The following BSDC1 variants were observed in gnomAD, a reference collection of about 807,000 sequenced individuals.
BSDC1 encodes the protein BSD domain-containing protein 1.
Under a neutral mutation model 56.0 loss-of-function variants are expected in BSDC1, and 29 were observed. That is an observed-to-expected ratio of 0.52 (90% CI 0.39 to 0.71). The LOEUF (loss-of-function observed/expected upper bound fraction) is 0.71, where lower values mean the gene tolerates loss of function less well. Among genes scored for constraint, BSDC1 ranks in the 30% least tolerant of loss-of-function variants. The pLI, the probability that BSDC1 is intolerant of heterozygous loss-of-function variation, is 0.00. For missense variants in BSDC1, 477 were observed against 548.5 expected (o/e 0.87, Z 1.30); for synonymous variants, 210 against 215.3 (o/e 0.98, Z 0.21).
At position 32,377,924 on chromosome 1, in the gene BSDC1, C is replaced by A. The variant is rs756507297; in HGVS notation, c.676+46G>T. 4 of 1,570,380 alleles carry A rather than the reference C, an allele frequency of 2.5e-6. No homozygotes were observed. In the South Asian group the frequency reaches 4.8e-5, roughly 19 times the overall value. On this transcript the variant is annotated intron_variant, in intron 8 of 10. Transcript: ENST00000455895. The stretch of plus-strand genomic sequence containing the variant: ...GAGAGCATGGCCCAGCCCAGAGCGT[C>A]CCGCACAGATGTGACACTTGCCCCT...
At chr1:32,380,259 G>A (rs1436114592) in intron 5 of BSDC1, among the ~76,000 whole-genome samples, 1 of 152,134 alleles carries the variant, frequency 6.6e-6, no homozygotes, top group Admixed American at 6.6e-5. Flanking sequence ...CTAAAAGGCG[G>A]GTGCTCCCTG....
chr1:32,374,051 T>C (rs1642191132), intron 9 of BSDC1, among the ~76,000 whole-genome samples: 1 of 152,162 alleles, frequency 6.6e-6, no homozygotes, highest in Non-Finnish European at 1.5e-5. Flanking sequence ...CTCCTCCCTC[T>C]TCTACAGGAC....
At chr1:32,383,719 C>A in intron 4 of BSDC1, 111 bp downstream of exon 4, 2 of 783,926 alleles carry the variant, frequency 2.6e-6, no homozygotes, top group Non-Finnish European at 2.1e-6. Context: ...TAATAATATA[C>A]CCATATTTAT....
chr1:32,386,974 C>T (rs1642694626), intron 2 of BSDC1, 79 bp from the exon 3 acceptor site: 10 of 1,089,658 alleles, frequency 9.2e-6, no homozygotes, highest in African/African-American at 1.6e-5. Flanking sequence ...TTCTTCAGTA[C>T]CAGACAGACA....
intron 2 of BSDC1, among the ~76,000 whole-genome samples, chr1:32,393,425 G>A (rs1042539529): frequency 6.6e-6 from 1 of 152,178 alleles, no homozygotes; most frequent in African/African-American, 2.4e-5. Flanking sequence ...TTGGGTTCTT[G>A]CTTTTCATCC....
Position 32,365,299 on chromosome 1 carries a change from C to T in BSDC1, c.*1323G>A, listed in dbSNP as rs1397223610. 6.6e-6 allele frequency: 1 copy of T among 152,098 alleles called. No individual in the cohort carries two copies. Among genetic ancestry groups the T allele is most frequent in the East Asian group, 1.9e-4 (1 of 5,196 alleles). 9.4% of individuals were successfully genotyped at this position (152,098 alleles called of 1,614,324 possible). A position where few individuals can be genotyped will look rare whatever the true frequency, so the allele number is the denominator to read the frequency against. On this transcript the variant is annotated 3_prime_UTR_variant, in exon 11 of 11. Transcript: ENST00000455895. Reference sequence around the variant, plus strand: ...TTATAATTTAAAATATATAATATTGCACAAACAACCAAAAGGTTAATTAAA... The same window carrying T: ...TTATAATTTAAAATATATAATATTGTACAAACAACCAAAAGGTTAATTAAA...
chr1:32,393,956 G>A, intron 2 of BSDC1, 124 bp downstream of exon 2: 1 of 874,594 alleles, frequency 1.1e-6, no homozygotes, highest in East Asian at 2.7e-5. Flanking sequence ...CTAAAAGAAA[G>A]GCCCAGGTCA....
rs1485979742 is a variant in BSDC1 at position 32,370,951 on chromosome 1, TCC to T, written c.1157-2403_1157-2402del. On this transcript the variant is annotated intron_variant, in intron 9 of 10. Coordinates refer to ENST00000455895, the MANE Select transcript of BSDC1 (RefSeq NM_018045.8). ...AAAGCCTAAAATATTTATGGTCTGG[TCC>T]TATACAGAAAAAGCTTACCACCCTC... 1.4e-4 allele frequency among the ~76,000 whole-genome samples: 22 copies of T among 152,126 alleles called. 1 individual carries two copies. The South Asian group carries it at 4.6e-3, about 32-fold the overall frequency.
chr1:32,373,002 C>T (rs1045785187), intron 9 of BSDC1, among the ~76,000 whole-genome samples: 54 of 152,308 alleles, frequency 3.5e-4, no homozygotes, highest in African/African-American at 1.3e-3. Flanking sequence ...AGCAGCTCTG[C>T]GATGACAGGG....
rs754185873 is a variant in BSDC1 at position 32,366,451 on chromosome 1, G to C, written c.*171C>G. On this transcript the variant is annotated 3_prime_UTR_variant, in exon 11 of 11. Coordinates refer to ENST00000455895, the MANE Select transcript of BSDC1 (RefSeq NM_018045.8). ...CCGGGATTTAGAGAGCCCCTTCCCAGGTGTGAGCAGAGGCCCAAGAGGGCC... is the reference window on the plus strand; with the variant it reads ...CCGGGATTTAGAGAGCCCCTTCCCACGTGTGAGCAGAGGCCCAAGAGGGCC... 5.5e-6 allele frequency: 4 copies of C among 733,890 alleles called. No homozygotes were observed. The highest frequency in any genetic ancestry group is 4.5e-5 in the South Asian group (3 of 67,300). The allele number at this position is 733,890 out of a possible 1,614,324, so 45.5% of individuals were successfully genotyped here. A position where few individuals can be genotyped will look rare whatever the true frequency, so the allele number is the denominator to read the frequency against.
chr1:32,387,385 A>C (rs1167146094), intron 2 of BSDC1, among the ~76,000 whole-genome samples: 2 of 150,774 alleles, frequency 1.3e-5, no homozygotes, highest in African/African-American at 2.4e-5. Flanking sequence ...CTCGTTGCCC[A>C]GGCTGGAGTG....
Position 32,376,492 on chromosome 1 carries a change from A to G in BSDC1, c.926T>C (p.Leu309Pro), listed in dbSNP as rs764778612. 4 of 1,610,868 alleles carry G rather than the reference A, an allele frequency of 2.5e-6. No homozygotes were observed. In the Admixed American group the frequency reaches 5.0e-5, roughly 20 times the overall value. Residue 309 changes from leucine (L) to proline (P), a missense_variant, in exon 9 of 11, where the codon CTG (leucine) becomes CCG (proline). Leu to Pro is a moderately conservative substitution (Grantham distance 98). Transcript: ENST00000455895. ...RVLPKDLSQK[L>P]LEASLEEQGL... ...CTGTTCCTCCAAGGATGCCTCTAGC[A>G]GCTTTTGGGACAGGTCCTTGGGTAG...
intron 10 of BSDC1, chr1:32,367,649 C>T (rs1641900033): frequency 9.1e-6 from 9 of 985,512 alleles, no homozygotes; most frequent in Non-Finnish European, 1.1e-5. Flanking sequence ...GAGCTTTGGA[C>T]TGTTCCAGCC....
intron 5 of BSDC1, among the ~76,000 whole-genome samples, chr1:32,379,564 A>G (rs553057134): frequency 1.1e-4 from 16 of 152,034 alleles, no homozygotes; most frequent in Non-Finnish European, 1.2e-4. Context: ...TCCCTTATCC[A>G]ATCACTCTGG....
intron 3 of BSDC1, among the ~76,000 whole-genome samples, chr1:32,385,047 G>A (rs975455616): frequency 6.6e-6 from 1 of 152,066 alleles, no homozygotes; most frequent in Non-Finnish European, 1.5e-5. Flanking sequence ...CTCATTTTTT[G>A]TAACATGAGT....
rs1642692127 is a variant in BSDC1, at chr1:32,386,910, A to G, written c.73-15T>C. 6.2e-7 allele frequency: 1 copy of G among 1,606,140 alleles called. No individual in the cohort carries two copies. The highest frequency in any genetic ancestry group is 1.7e-5 in the Admixed American group (1 of 59,988). On this transcript the variant is annotated splice_polypyrimidine_tract_variant and intron_variant, in intron 2 of 10. Transcript: ENST00000455895. Reference sequence around the variant, plus strand: ...GCTTCAGAGGACTGTGGGAAGACAGAGAGGGATGCCAGGGCCAGCTGGCCC... The same window carrying G: ...GCTTCAGAGGACTGTGGGAAGACAGGGAGGGATGCCAGGGCCAGCTGGCCC...
In BSDC1 at chr1:32,378,421, C is replaced by T. The variant is rs531846140; in HGVS notation, c.529-138G>A. Reference sequence around the variant, plus strand: ...CTTAGCAGTGACAGTCAGAGCACTTCCACCCCCACCAAAGTTTCAGCCAGA... The same window carrying T: ...CTTAGCAGTGACAGTCAGAGCACTTTCACCCCCACCAAAGTTTCAGCCAGA... On this transcript the variant is annotated intron_variant, in intron 6 of 10. Transcript: ENST00000455895. This position sits in a 1 kb window ranked among gnomAD's most constrained non-coding sequence, Gnocchi z 5.2. The T allele has an allele frequency of 2.4e-6, 2 of 838,130 alleles. No individual in the cohort carries two copies. Among genetic ancestry groups the T allele is most frequent in the South Asian group, 3.2e-5 (2 of 61,568 alleles). 51.9% of individuals were successfully genotyped at this position (838,130 alleles called of 1,614,324 possible).
chr1:32,375,160 C>T (rs952103698), intron 9 of BSDC1, among the ~76,000 whole-genome samples: 4 of 151,406 alleles, frequency 2.6e-5, no homozygotes, highest in African/African-American at 7.3e-5. Context: ...AAAAAAAAAA[C>T]AATAAAAACC....
intron 4 of BSDC1, among the ~76,000 whole-genome samples, chr1:32,382,753 AG>A (rs1305111889): frequency 1.4e-5 from 2 of 147,060 alleles, no homozygotes; most frequent in Non-Finnish European, 3.0e-5. Flanking sequence ...CCCCGCTACT[AG>A]GGATACTAGG....
Sources: gnomAD v4.1 joint callset for allele counts (sites outside exome capture counted in the v4.1 genomes callset) on GRCh38, gnomAD v4.1.1 for gene constraint, Gnocchi (gnomAD v3.1) non-coding constraint, MANE v1.5 for transcripts, NCBI Gene and HGNC (gene_info 2026-07-23, HGNC 2026-07-21) for gene names.